Variants in ARHGAP22 observed in about 807,000 individuals in gnomAD.
The protein encoded by ARHGAP22 is rho GTPase-activating protein 22.
Under a neutral mutation model 59.1 loss-of-function variants are expected in ARHGAP22, and 48 were observed. That is an observed-to-expected ratio of 0.81 (90% CI 0.64 to 1.03). The LOEUF (loss-of-function observed/expected upper bound fraction) is 1.03. Ranked by LOEUF, ARHGAP22 falls within the 50% of genes least tolerant of loss-of-function variation. The probability of loss-of-function intolerance (pLI) is 0.00; values close to 1 mark genes in which losing one functional copy is unlikely to be tolerated. For missense variants in ARHGAP22, 1,015 were observed against 958.7 expected, an observed-to-expected ratio of 1.06 and a Z score of -0.78; for synonymous variants, 445 against 416.4, an observed-to-expected ratio of 1.07 and a Z score of -0.84.
intron 3 of ARHGAP22, among the ~76,000 whole-genome samples, chr10:48,523,673 C>T (rs1312258825): frequency 6.6e-6 from 1 of 151,832 alleles, no homozygotes; most frequent in African/African-American, 2.4e-5. Context: ...CAGAGACCTG[C>T]GAGCGGGTCT....
chr10:48,431,614 A>C, the ARHGAP22 span, among the ~76,000 whole-genome samples: 1 of 152,214 alleles, frequency 6.6e-6, no homozygotes, highest in South Asian at 2.1e-4. Context: ...TGGATAAATA[A>C]AAGCTTCACT....
chr10:48,482,416 T>A lies in ARHGAP22; in HGVS notation c.323-2652A>T, dbSNP rs539211484. On this transcript the variant is annotated intron_variant, in intron 3 of 9. Coordinates refer to ENST00000249601, the MANE Select transcript of ARHGAP22 (RefSeq NM_021226.4). The stretch of plus-strand genomic sequence containing the variant: ...CTATCTGCAAATAGAGACAGTTTAC[T>A]TCTTCCTTTCCAGCTGGGAATCGTT... 3.3e-5 allele frequency among the ~76,000 whole-genome samples: 5 copies of A among 152,368 alleles called. 1 individual carries two copies. In the South Asian group the frequency reaches 1.0e-3, roughly 32 times the overall value.
At chr10:48,609,201 T>C (rs1478095810), upstream of ARHGAP22, among the ~76,000 whole-genome samples, 2 of 152,258 alleles carry the variant, frequency 1.3e-5, no homozygotes, top group African/African-American at 4.8e-5. Flanking sequence ...CCAGTCACTG[T>C]AGACTCCCTG....
At chr10:48,558,341 T>G (rs965190643) in intron 2 of ARHGAP22, among the ~76,000 whole-genome samples, 35 of 41,318 alleles carry the variant, frequency 8.5e-4, no homozygotes, top group African/African-American at 2.7e-3. Context: ...CGATTTAATG[T>G]TTTTTTTTTG....
intron 3 of ARHGAP22, among the ~76,000 whole-genome samples, chr10:48,483,753 C>G (rs938029712): frequency 6.6e-6 from 1 of 151,944 alleles, no homozygotes; most frequent in African/African-American, 2.4e-5. Context: ...CAGCTGAGTT[C>G]CTTGTATATT....
intron 3 of ARHGAP22, among the ~76,000 whole-genome samples, chr10:48,497,578 G>A (rs371469550): frequency 2.6e-5 from 4 of 152,194 alleles, no homozygotes; most frequent in African/African-American, 9.7e-5. Context: ...GTGTGCTGCA[G>A]TACAAGCTGA....
intron 1 of ARHGAP22, among the ~76,000 whole-genome samples, chr10:48,589,778 T>G: frequency 6.6e-6 from 1 of 152,228 alleles, no homozygotes; most frequent in East Asian, 1.9e-4. Context: ...AGCTCCTGCC[T>G]TCCACAAGAT....
At chr10:48,458,024 G>A (rs1206637570) in intron 5 of ARHGAP22, among the ~76,000 whole-genome samples, 1 of 152,072 alleles carries the variant, frequency 6.6e-6, no homozygotes, top group Admixed American at 6.5e-5. Context: ...CAGCTGCAGA[G>A]CCAGAGGAGC....
chr10:48,451,386 CTG>C (rs1305341983), intron 8 of ARHGAP22: 2 of 712,586 alleles, frequency 2.8e-6, no homozygotes, highest in Non-Finnish European at 5.1e-6. Context: ...GGAGGAAGCA[CTG>C]TGCCTGCGCT....
At chr10:48,448,957 C>T (rs957122239) in intron 9 of ARHGAP22, among the ~76,000 whole-genome samples, 9 of 152,194 alleles carry the variant, frequency 5.9e-5, no homozygotes, top group Non-Finnish European at 1.2e-4. Flanking sequence ...GCCAGGGACA[C>T]TCAGCCAATC....
downstream of ARHGAP22, among the ~76,000 whole-genome samples, chr10:48,442,235 C>T (rs978032810): frequency 1.3e-5 from 2 of 152,216 alleles, no homozygotes. Flanking sequence ...TGTGCTTTGT[C>T]ATCTGTCCTG....
chr10:48,448,723 ACCCT>A (rs1345720409), intron 9 of ARHGAP22, among the ~76,000 whole-genome samples: 3 of 151,242 alleles, frequency 2.0e-5, no homozygotes, highest in Non-Finnish European at 4.4e-5. Flanking sequence ...CTCACTCTAG[ACCCT>A]CCCTCTAACC....
the ARHGAP22 span, chr10:48,436,532 A>G: frequency 1.3e-5 from 2 of 152,232 alleles, no homozygotes; most frequent in African/African-American, 4.8e-5. Context: ...ATACTCACAT[A>G]AGCAACAAGG....
chr10:48,643,494 A>C (rs1315949979), intron 1 of ARHGAP22, among the ~76,000 whole-genome samples: 3 of 152,030 alleles, frequency 2.0e-5, no homozygotes, highest in African/African-American at 7.2e-5. Flanking sequence ...TCAGCAAACT[A>C]TTGCAAGCAC....
chr10:48,561,594 A>T (rs2057690960), intron 2 of ARHGAP22, among the ~76,000 whole-genome samples: 1 of 152,236 alleles, frequency 6.6e-6, no homozygotes, highest in Non-Finnish European at 1.5e-5. Flanking sequence ...TGTATCTGAT[A>T]AAGGACTTGT....
At chr10:48,562,739 A>G (rs2057769196) in intron 2 of ARHGAP22, among the ~76,000 whole-genome samples, 1 of 152,228 alleles carries the variant, frequency 6.6e-6, no homozygotes. Flanking sequence ...GCACATCTAT[A>G]TTAAGACTTA....
At chr10:48,577,465 T>C (rs1412384393) in intron 2 of ARHGAP22, among the ~76,000 whole-genome samples, 3 of 151,920 alleles carry the variant, frequency 2.0e-5, no homozygotes, top group African/African-American at 4.8e-5. Flanking sequence ...CACAGGAGGG[T>C]CCACCTCCGC....
At chr10:48,452,757 A>G (rs1182556472) in intron 8 of ARHGAP22, among the ~76,000 whole-genome samples, 1 of 152,172 alleles carries the variant, frequency 6.6e-6, no homozygotes, top group African/African-American at 2.4e-5. Flanking sequence ...CCTCATCTGT[A>G]AAGTGGGGGC....
rs186249423 is a variant in ARHGAP22, at chr10:48,542,676, A to G, written c.322+12787T>C. On this transcript the variant is annotated intron_variant, in intron 3 of 9. Coordinates refer to ENST00000249601, the MANE Select transcript of ARHGAP22 (RefSeq NM_021226.4). ...CTGGGGTTGGGGTCAGGCACCCCAGAGTGTTTTGGGGTGGAGTATGCTCAG... is the reference window on the plus strand; with the variant it reads ...CTGGGGTTGGGGTCAGGCACCCCAGGGTGTTTTGGGGTGGAGTATGCTCAG... Among the ~76,000 whole-genome samples, 295 of 151,988 alleles carry G rather than the reference A, an allele frequency of 1.9e-3. 2 individuals carry two copies. Among genetic ancestry groups the G allele is most frequent in the African/African-American group, 6.9e-3 (287 of 41,436 alleles).
Sources: allele counts gnomAD v4.1 joint callset (sites outside exome capture counted in the v4.1 genomes callset), GRCh38; gene constraint gnomAD v4.1.1; transcripts MANE v1.5; gene names NCBI Gene and HGNC (gene_info 2026-07-23, HGNC 2026-07-21).